Variants in SSBP2 observed in about 807,000 individuals in gnomAD.
SSBP2 encodes single-stranded DNA-binding protein 2.
A neutral mutation model predicts 61.8 loss-of-function variants in SSBP2; 17 were observed. That is an observed-to-expected ratio of 0.28 (90% CI 0.19 to 0.41). The LOEUF is 0.41. Among genes scored for constraint, SSBP2 ranks in the 10% least tolerant of loss-of-function variants. SSBP2 has a pLI of 1.00. For synonymous variants in SSBP2, 139 were observed against 141.3 expected, an observed-to-expected ratio of 0.98 and a Z score of 0.12; for missense variants, 310 against 458.7, an observed-to-expected ratio of 0.68 and a Z score of 2.96.
chr5:81,454,822 A>G (rs1020943125), intron 10 of SSBP2, among the ~76,000 whole-genome samples: 1 of 152,162 alleles, frequency 6.6e-6, no homozygotes, highest in African/African-American at 2.4e-5. Context: ...TAAAGGTCTG[A>G]TAACATTGGA....
At position 81,679,112 on chromosome 5, in the gene SSBP2, C is replaced by T. The variant is rs907678150; in HGVS notation, c.63-28773G>A. 7.2e-5 allele frequency among the ~76,000 whole-genome samples: 11 copies of T among 152,208 alleles called. No homozygotes were observed. The East Asian group carries it at 9.6e-4, about 13-fold the overall frequency. On this transcript the variant is annotated intron_variant, in intron 1 of 16. Coordinates refer to ENST00000320672, the MANE Select transcript of SSBP2 (RefSeq NM_012446.5). Reference sequence around the variant, plus strand: ...GCAGCCTCTGCCTCCCAGGTTCAAGCGATTCTCTGCCTCACCTTCCAGAGT... The same window carrying T: ...GCAGCCTCTGCCTCCCAGGTTCAAGTGATTCTCTGCCTCACCTTCCAGAGT...
At chr5:81,657,916 T>C (rs1750361311) in intron 1 of SSBP2, among the ~76,000 whole-genome samples, 1 of 152,160 alleles carries the variant, frequency 6.6e-6, no homozygotes, top group Admixed American at 6.5e-5. Context: ...AATTGATAAA[T>C]AAAAATTGTA....
At chr5:81,481,083 G>A (rs781189111) in intron 6 of SSBP2, among the ~76,000 whole-genome samples, 2 of 152,026 alleles carry the variant, frequency 1.3e-5, no homozygotes, top group African/African-American at 2.4e-5. Flanking sequence ...CTATTTTCAC[G>A]ACATCTGTAG....
intron 5 of SSBP2, among the ~76,000 whole-genome samples, chr5:81,504,294 A>G (rs935114808): frequency 5.3e-5 from 8 of 152,252 alleles, no homozygotes; most frequent in African/African-American, 1.9e-4. Flanking sequence ...TAACAGACTA[A>G]TCTCCATGTG....
At chr5:81,570,098 G>A (rs1282205409) in intron 4 of SSBP2, among the ~76,000 whole-genome samples, 1 of 152,058 alleles carries the variant, frequency 6.6e-6, no homozygotes, top group African/African-American at 2.4e-5. Context: ...TCTAACAGAG[G>A]AATAAGACAA....
intron 5 of SSBP2, among the ~76,000 whole-genome samples, chr5:81,512,949 A>T (rs938062109): frequency 2.0e-5 from 3 of 152,102 alleles, no homozygotes; most frequent in Admixed American, 2.0e-4. Flanking sequence ...TTAATTTAAA[A>T]ATGAATTTCG....
chr5:81,731,812 T>A (rs1009216672), intron 1 of SSBP2, among the ~76,000 whole-genome samples: 3 of 151,128 alleles, frequency 2.0e-5, no homozygotes, highest in African/African-American at 7.3e-5. Context: ...TGTCTTTTAT[T>A]ATAATATTGT....
rs557652286 is a variant in SSBP2 at position 81,413,515 on chromosome 5, G to A, written c.*6989C>T. ...AATTTAACACATGTAGTAAGAAAAC[G>A]TCTTAAATTCGGAAAATCACAACTA... is the stretch of plus-strand genomic sequence containing the variant. On this transcript the variant is annotated 3_prime_UTR_variant, in exon 17 of 17. Transcript: ENST00000320672. 2.7e-4 allele frequency: 41 copies of A among 152,236 alleles called. No homozygotes were observed. Among genetic ancestry groups the A allele is most frequent in the African/African-American group, 3.6e-4 (15 of 41,550 alleles). The allele number at this position is 152,236 out of a possible 1,614,324, so 9.4% of individuals were successfully genotyped here. A position where few individuals can be genotyped will look rare whatever the true frequency, so the allele number is the denominator to read the frequency against.
intron 1 of SSBP2, among the ~76,000 whole-genome samples, chr5:81,743,101 C>G (rs999657871): frequency 6.6e-6 from 1 of 152,066 alleles, no homozygotes. Context: ...CAAGTTTATC[C>G]TTAGGGTTTG....
chr5:81,635,800 G>A (rs1198978888), intron 3 of SSBP2, among the ~76,000 whole-genome samples: 3 of 152,020 alleles, frequency 2.0e-5, no homozygotes, highest in Admixed American at 6.6e-5. Flanking sequence ...TAGCCAGGAT[G>A]GTCTCGATCT....
At chr5:81,574,963 G>A (rs1032444750) in intron 4 of SSBP2, among the ~76,000 whole-genome samples, 3 of 152,292 alleles carry the variant, frequency 2.0e-5, no homozygotes, top group African/African-American at 7.2e-5. Flanking sequence ...CAGAAGGAAA[G>A]AGAATACTTG....
chr5:81,599,756 G>A (rs751062605), intron 4 of SSBP2, among the ~76,000 whole-genome samples: 16 of 152,162 alleles, frequency 1.1e-4, no homozygotes, highest in Non-Finnish European at 1.9e-4. Flanking sequence ...TATTCTGGCC[G>A]TTATAGCAGG....
At chr5:81,698,377 A>C (rs957842827) in intron 1 of SSBP2, among the ~76,000 whole-genome samples, 3 of 152,214 alleles carry the variant, frequency 2.0e-5, no homozygotes, top group Admixed American at 6.5e-5. Context: ...AGTTGCAAAA[A>C]ATGGCACAAT....
At chr5:81,571,518 C>T (rs1342487648) in intron 4 of SSBP2, among the ~76,000 whole-genome samples, 4 of 152,074 alleles carry the variant, frequency 2.6e-5, no homozygotes, top group African/African-American at 7.2e-5. Flanking sequence ...TTATAATGAC[C>T]TAAAACTCCC....
intron 4 of SSBP2, among the ~76,000 whole-genome samples, chr5:81,576,321 C>A (rs1014497035): frequency 2.0e-5 from 3 of 151,888 alleles, no homozygotes; most frequent in African/African-American, 7.3e-5. Flanking sequence ...TGAGATTATT[C>A]TGCTAAAATA....
rs531820073 is a variant in SSBP2, at chr5:81,531,216, A to G, written c.283-17499T>C. Among the ~76,000 whole-genome samples, 9 of 148,948 alleles carry G rather than the reference A, an allele frequency of 6.0e-5. No homozygotes were observed. In the East Asian group the frequency reaches 1.6e-3, roughly 26 times the overall value. On this transcript the variant is annotated intron_variant, in intron 4 of 16. Transcript: ENST00000320672. ...CTGCACTCAGCCTGAGTGGCAGAGT[A>G]AGACCCTGTCTGGAAAAAAAAAAAA...
intron 3 of SSBP2, among the ~76,000 whole-genome samples, chr5:81,624,553 A>AAGTTTT (rs1375231662): frequency 6.6e-6 from 1 of 152,172 alleles, no homozygotes; most frequent in Non-Finnish European, 1.5e-5. Context: ...TGGCACTCAA[A>AAGTTTT]AGTTTTAGAT....
chr5:81,422,814 C>A (rs773887646), intron 16 of SSBP2, among the ~76,000 whole-genome samples: 2 of 152,224 alleles, frequency 1.3e-5, no homozygotes, highest in Non-Finnish European at 2.9e-5. Flanking sequence ...TGATCCCTGA[C>A]CCTGTGTCAG....
chr5:81,693,122 T>C (rs1243044127), intron 1 of SSBP2, among the ~76,000 whole-genome samples: 1 of 150,224 alleles, frequency 6.7e-6, no homozygotes, highest in African/African-American at 2.5e-5. Context: ...GGAGAATCGC[T>C]TGAACCTGGA....
Sources: allele counts gnomAD v4.1 joint callset (sites outside exome capture counted in the v4.1 genomes callset), GRCh38; gene constraint gnomAD v4.1.1; transcripts MANE v1.5; gene names NCBI Gene and HGNC (gene_info 2026-07-23, HGNC 2026-07-21).